The following PARP16 variants were observed in gnomAD, a reference collection of about 807,000 sequenced individuals.
PARP16 encodes the protein protein mono-ADP-ribosyltransferase PARP16.
PARP16 carries 31 observed loss-of-function variants against 35.0 expected under a neutral mutation model. That is an observed-to-expected ratio of 0.88 (90% CI 0.66 to 1.19). PARP16 has a LOEUF of 1.19. Among genes scored for constraint, PARP16 ranks in the 50% most tolerant of loss-of-function variants. PARP16 has a pLI of 0.00. For synonymous variants in PARP16, 162 were observed against 169.5 expected (o/e 0.96, Z 0.34); for missense variants, 424 against 411.2 (o/e 1.03, Z -0.27).
At chr15:65,281,450 G>A (rs2090419350) in intron 1 of PARP16, among the ~76,000 whole-genome samples, 1 of 152,210 alleles carries the variant, frequency 6.6e-6, no homozygotes, top group Admixed American at 6.5e-5. Flanking sequence ...AGCAGTTTGG[G>A]AGGCCGAGGA....
At chr15:65,275,630 G>C (rs2090230967) in intron 1 of PARP16, among the ~76,000 whole-genome samples, 1 of 152,070 alleles carries the variant, frequency 6.6e-6, no homozygotes, top group East Asian at 1.9e-4. Flanking sequence ...GGAAGAGTGG[G>C]AAGGTGACCT....
At position 65,259,081 on chromosome 15, in the gene PARP16, C is replaced by G. The variant is rs1041146533; in HGVS notation, c.*326G>C. The G allele has an allele frequency of 1.2e-4, 25 of 209,770 alleles. No individual in the cohort carries two copies. Among genetic ancestry groups the G allele is most frequent in the Non-Finnish European group, 2.1e-4 (22 of 103,616 alleles). 13.0% of individuals were successfully genotyped at this position (209,770 alleles called of 1,614,324 possible). ...GGAGAGATTGTAAACACACCACTGA[C>G]AGCTTGGACACTTTGTTTTTAAATG... is the stretch of plus-strand genomic sequence containing the variant. On this transcript the variant is annotated 3_prime_UTR_variant, in exon 6 of 6. Coordinates refer to ENST00000649807, the MANE Select transcript of PARP16 (RefSeq NM_001316943.2).
chr15:65,286,381 C>G lies in PARP16; in HGVS notation c.46G>C (p.Asp16His), dbSNP rs1279273737. The change falls in exon 1 of 6, where the codon GAC (aspartate) becomes CAC (histidine). Residue 16 changes from aspartate (D) to histidine (H), a missense_variant. Coordinates refer to ENST00000649807, the MANE Select transcript of PARP16 (RefSeq NM_001316943.2). The part of the protein sequence containing the change: ...WAAAREAAGR[D>H]MLAADLRCSL... ...CACCGGAGGTCGGCGGCCAGCATGT[C>G]GCGGCCCGCCGCCTCCCTGGCGGCC... 1 of 1,556,030 alleles carries G rather than the reference C, an allele frequency of 6.4e-7. No homozygotes were observed. Among genetic ancestry groups the G allele is most frequent in the Non-Finnish European group, 8.7e-7 (1 of 1,155,310 alleles).
intron 3 of PARP16, among the ~76,000 whole-genome samples, chr15:65,244,287 CTATAT>C (rs2089151409): frequency 6.6e-6 from 1 of 152,146 alleles, no homozygotes; most frequent in African/African-American, 2.4e-5. Flanking sequence ...TGTTTACTTA[CTATAT>C]TAGTCTGTTC....
rs2090210290 is a variant in PARP16 at position 65,275,127 on chromosome 15, G to A, written c.175-4055C>T. ...GAGACCCTGTCTCAAAAAAAAAAAA[G>A]CAGCATTCACTGTCGTAACAAAGTT... On this transcript the variant is annotated intron_variant, in intron 1 of 5. Transcript: ENST00000649807. Among the ~76,000 whole-genome samples, 3 of 151,086 alleles carry A rather than the reference G, an allele frequency of 2.0e-5. No homozygotes were observed. In the South Asian group the frequency reaches 6.3e-4, roughly 32 times the overall value.
At chr15:65,283,841 C>T (rs2090494523) in intron 1 of PARP16, among the ~76,000 whole-genome samples, 1 of 152,186 alleles carries the variant, frequency 6.6e-6, no homozygotes, top group African/African-American at 2.4e-5. Flanking sequence ...GTTTCGTACC[C>T]AAGGTCCTGA....
At chr15:65,245,552 G>T (rs951599947) in intron 3 of PARP16, among the ~76,000 whole-genome samples, 1 of 152,160 alleles carries the variant, frequency 6.6e-6, no homozygotes, top group Non-Finnish European at 1.5e-5. Context: ...GTCCCATGGA[G>T]TATGTGTAGG....
downstream of PARP16, among the ~76,000 whole-genome samples, chr15:65,232,907 AAAACAAAAC>A (rs1260132236): frequency 0.04 from 278 of 6,932 alleles, 1 homozygote; most frequent in Admixed American, 0.078. Flanking sequence ...AAAACAAAAC[AAAACAAAAC>A]AAACAAAAAA....
At chr15:65,247,905 T>C (rs1431945860) in intron 3 of PARP16, among the ~76,000 whole-genome samples, 4 of 150,422 alleles carry the variant, frequency 2.7e-5, no homozygotes, top group African/African-American at 7.4e-5. Flanking sequence ...CCCGGGTTCA[T>C]GCCATTTTCC....
intron 3 of PARP16, among the ~76,000 whole-genome samples, chr15:65,235,303 T>TC (rs1031559307): frequency 5.3e-4 from 78 of 146,974 alleles, no homozygotes; most frequent in African/African-American, 1.9e-3. Flanking sequence ...AGAGACTCCG[T>TC]CCCCCCCAAA....
At chr15:65,257,782 A>G (rs1409888668), downstream of PARP16, among the ~76,000 whole-genome samples, 1 of 152,162 alleles carries the variant, frequency 6.6e-6, no homozygotes, top group Non-Finnish European at 1.5e-5. Context: ...TAAACTTTAT[A>G]ATACCATAAA....
At chr15:65,233,142 G>A (rs1257589238), downstream of PARP16, among the ~76,000 whole-genome samples, 1 of 152,170 alleles carries the variant, frequency 6.6e-6, no homozygotes, top group Non-Finnish European at 1.5e-5. Context: ...GACCAGGTGC[G>A]GTGGCTCACG....
Position 65,266,698 on chromosome 15 carries a change from A to G in PARP16, c.383T>C (p.Ile128Thr), listed in dbSNP as rs751695371. 7 of 1,614,152 alleles carry G rather than the reference A, an allele frequency of 4.3e-6. 1 individual carries two copies. The South Asian group carries it at 6.6e-5, about 15-fold the overall frequency. ...GGCGTTGGCTGGGTCAAAGTACTCA[A>G]TTTCAAACAGGAAGTCCGGTGCAGG... ...PVPAPDFLFE[I>T]EYFDPANAKF... Residue 128 changes from isoleucine to threonine, a missense_variant, in exon 3 of 6, where the codon ATT becomes ACT. Ile to Thr is a moderately conservative substitution (Grantham distance 89). Coordinates refer to ENST00000649807, the MANE Select transcript of PARP16 (RefSeq NM_001316943.2).
At chr15:65,240,311 G>T (rs780489076) in intron 3 of PARP16, among the ~76,000 whole-genome samples, 4,527 of 26,098 alleles carry the variant, frequency 0.17, 156 homozygotes, top group South Asian at 0.29. Context: ...TGTGTGTGTG[G>T]TGGGGGGGGC....
At chr15:65,248,205 G>A (rs1273540797) in exon 3 of PARP16, 1 of 456,492 alleles carries the variant, frequency 2.2e-6, no homozygotes, top group South Asian at 1.5e-5. Flanking sequence ...TCTGGCCACA[G>A]ACACCTCTTC....
intron 3 of PARP16, among the ~76,000 whole-genome samples, chr15:65,236,418 C>G (rs2088879983): frequency 1.3e-5 from 2 of 152,366 alleles, no homozygotes; most frequent in Middle Eastern, 3.4e-3. Flanking sequence ...AGAGAATTCT[C>G]TGCAGAAGAG....
At chr15:65,285,389 T>G (rs1159773280) in intron 1 of PARP16, 2 of 194,996 alleles carry the variant, frequency 1.0e-5, no homozygotes, top group African/African-American at 4.8e-5. Context: ...TCTGCCCGCC[T>G]TGGCCTCCCA....
At chr15:65,247,318 T>C (rs2089235918) in intron 3 of PARP16, among the ~76,000 whole-genome samples, 1 of 152,110 alleles carries the variant, frequency 6.6e-6, no homozygotes, top group South Asian at 2.1e-4. Flanking sequence ...TTACACACAT[T>C]ATTTTATTTA....
intron 1 of PARP16, among the ~76,000 whole-genome samples, chr15:65,272,149 T>C (rs2090116161): frequency 1.3e-5 from 2 of 152,192 alleles, no homozygotes; most frequent in South Asian, 4.1e-4. Context: ...AGACTAGCTC[T>C]TGGACCTCTA....
Sources: gnomAD v4.1 joint callset for allele counts (sites outside exome capture counted in the v4.1 genomes callset) on GRCh38, gnomAD v4.1.1 for gene constraint, MANE v1.5 for transcripts, NCBI Gene and HGNC (gene_info 2026-07-23, HGNC 2026-07-21) for gene names.